Variants in MACF1 observed in about 807,000 individuals in gnomAD.
MACF1 encodes the protein microtubule-actin cross-linking factor 1.
In MACF1, 193 loss-of-function variants were observed where a neutral mutation model predicts 854.8. That is an observed-to-expected ratio of 0.23 (90% CI 0.20 to 0.25). The LOEUF (loss-of-function observed/expected upper bound fraction) is 0.25. Among genes scored for constraint, MACF1 ranks in the 10% least tolerant of loss-of-function variants. The probability of loss-of-function intolerance (pLI) is 1.00; values close to 1 mark genes in which losing one functional copy is unlikely to be tolerated. For missense variants in MACF1, 7,722 were observed against 8,929.1 expected (o/e 0.86, Z 5.45); for synonymous variants, 3,185 against 3,226.7 (o/e 0.99, Z 0.44).
chr1:39,479,092 G>T (rs1215064373), intron 97 of MACF1, among the ~76,000 whole-genome samples: 1 of 152,156 alleles, frequency 6.6e-6, no homozygotes, highest in African/African-American at 2.4e-5. Flanking sequence ...GCGCTAACTG[G>T]CTTCCCGTGC....
rs533384316 is a variant in MACF1 at position 39,336,690 on chromosome 1, T to C, written c.10065+37T>C. On this transcript the variant is annotated intron_variant, in intron 37 of 100. Transcript: ENST00000564288. Reference sequence around the variant, plus strand: ...GCTTTTTTTTTTTTCTTCCTAAAGATACAATTAGTTTAATGCTAAAATTCT... The same window carrying C: ...GCTTTTTTTTTTTTCTTCCTAAAGACACAATTAGTTTAATGCTAAAATTCT... The C allele has an allele frequency of 6.2e-5, 94 of 1,525,802 alleles. 1 individual carries two copies. The South Asian group carries it at 1.2e-3, about 19-fold the overall frequency. The allele number at this position is 1,525,802 out of a possible 1,614,324, so 94.5% of individuals were successfully genotyped here. A position where few individuals can be genotyped will look rare whatever the true frequency, so the allele number is the denominator to read the frequency against.
At chr1:39,344,020 C>T (rs533706592) in intron 40 of MACF1, among the ~76,000 whole-genome samples, 29 of 150,806 alleles carry the variant, frequency 1.9e-4, no homozygotes, top group African/African-American at 6.8e-4. Flanking sequence ...GAGGCTGAGG[C>T]AGGAGAATCA....
intron 18 of MACF1, among the ~76,000 whole-genome samples, chr1:39,294,362 A>G (rs1200672644): frequency 6.6e-6 from 1 of 152,342 alleles, no homozygotes; most frequent in African/African-American, 2.4e-5. Flanking sequence ...AACTATGCAA[A>G]TAGGGAGTTT....
At position 39,357,773 on chromosome 1, in the gene MACF1, A is replaced by G; in HGVS notation, c.11823A>G (p.Gly3941=). 6.2e-7 allele frequency: 1 copy of G among 1,614,208 alleles called. No homozygotes were observed. Among genetic ancestry groups the G allele is most frequent in the Middle Eastern group, 1.6e-4 (1 of 6,062 alleles). The change falls in exon 45 of 101, where the codon GGA becomes GGG. Residue 3941 remains glycine, a synonymous_variant. Transcript: ENST00000564288. The part of the protein sequence containing the change: ...KGDLRFVTIS[G]QKVLDMENSF... ...ACTTGAGATTTGTGACTATCTCAGGACAGAAAGTCTTGGACATGGAAAACA... is the reference window on the plus strand; with the variant it reads ...ACTTGAGATTTGTGACTATCTCAGGGCAGAAAGTCTTGGACATGGAAAACA...
At chr1:39,190,885 T>C (rs2148247718) in intron 2 of MACF1, among the ~76,000 whole-genome samples, 1 of 151,992 alleles carries the variant, frequency 6.6e-6, no homozygotes, top group African/African-American at 2.4e-5. Flanking sequence ...CCCAGCTACT[T>C]GGGAGGCTGA....
At chr1:39,241,659 CA>C (rs35678466) in intron 2 of MACF1, among the ~76,000 whole-genome samples, 3,527 of 51,398 alleles carry the variant, frequency 0.069, 23 homozygotes, top group Middle Eastern at 0.1. Flanking sequence ...GACTCCATCT[CA>C]AAAAAAAAAA....
chr1:39,092,028 A>G lies in MACF1; in HGVS notation c.220+7590A>G, dbSNP rs1022194433. On this transcript the variant is annotated intron_variant, in intron 2 of 93. Coordinates refer to the MACF1 transcript ENST00000361689. Reference sequence around the variant, plus strand: ...TGAACTGAGCTACGTTGCAAGTCCAAAGAGTTTTGAGGAAGTTCTGGAAGG... The same window carrying G: ...TGAACTGAGCTACGTTGCAAGTCCAGAGAGTTTTGAGGAAGTTCTGGAAGG... Among the ~76,000 whole-genome samples the G allele has an allele frequency of 3.9e-5, 6 of 152,178 alleles. No individual in the cohort carries two copies. The South Asian group carries it at 1.2e-3, about 31-fold the overall frequency.
intron 80 of MACF1, among the ~76,000 whole-genome samples, chr1:39,446,788 T>C (rs548191221): frequency 1.0e-3 from 159 of 152,292 alleles, no homozygotes; most frequent in African/African-American, 3.8e-3. Context: ...GGAGTAGCCT[T>C]TTCCCTGAAT....
At chr1:39,431,289 G>GAATCAAGAACTAT (rs144853034) in intron 66 of MACF1, among the ~76,000 whole-genome samples, 60,702 of 151,878 alleles carry the variant, frequency 0.4, 14,206 homozygotes, top group African/African-American at 0.66. Context: ...GAGGGGGAAG[G>GAATCAAGAACTAT]AATTACTATC....
chr1:39,093,077 C>A (rs900112508), intron 2 of MACF1, among the ~76,000 whole-genome samples: 3 of 152,162 alleles, frequency 2.0e-5, no homozygotes, highest in African/African-American at 7.2e-5. Flanking sequence ...AGCCACCGCG[C>A]CTGGCAAGTT....
intron 58 of MACF1, chr1:39,413,849 C>G (rs1557640831): frequency 6.2e-7 from 1 of 1,611,050 alleles, no homozygotes; most frequent in Non-Finnish European, 8.5e-7. Context: ...CTGGAGGAAC[C>G]CACTTCCCCG....
At chr1:39,210,397 G>T (rs559996320) in intron 1 of MACF1, among the ~76,000 whole-genome samples, 114 of 150,380 alleles carry the variant, frequency 7.6e-4, no homozygotes, top group Non-Finnish European at 1.1e-3. Context: ...AAAAAGAGAC[G>T]AGGTTTTGCT....
chr1:39,404,346 C>T (rs553314034), intron 58 of MACF1, among the ~76,000 whole-genome samples: 67 of 151,934 alleles, frequency 4.4e-4, no homozygotes, highest in African/African-American at 1.4e-3. Context: ...TGGTGCACAC[C>T]TGTCATCCCA....
rs575038217 is a variant in MACF1, at chr1:39,105,502, C to T, written c.220+21064C>T. 2.7e-5 allele frequency: 27 copies of T among 1,014,480 alleles called. No individual in the cohort carries two copies. In the African/African-American group the frequency reaches 4.4e-4, roughly 16 times the overall value. 62.8% of individuals were successfully genotyped at this position (1,014,480 alleles called of 1,614,324 possible). A position where few individuals can be genotyped will look rare whatever the true frequency, so the allele number is the denominator to read the frequency against. On this transcript the variant is annotated intron_variant, in intron 2 of 93. Coordinates refer to the MACF1 transcript ENST00000361689. The surrounding 1 kb of genome is among the most constrained non-coding windows in gnomAD (Gnocchi z 5.9). ...GGCGAGGCGGGCGGACGGCGGAGAGCGAGGGCGCCGTCGCCGTCTCTGAGA... is the reference window on the plus strand; with the variant it reads ...GGCGAGGCGGGCGGACGGCGGAGAGTGAGGGCGCCGTCGCCGTCTCTGAGA...
At chr1:39,464,579 C>T in intron 94 of MACF1, 1 of 152,484 alleles carries the variant, frequency 6.6e-6, no homozygotes, top group African/African-American at 2.5e-5. Flanking sequence ...TTAACAAGAA[C>T]AACATAGCAT....
chr1:39,322,699 A>G lies in MACF1; in HGVS notation c.4121A>G (p.Asp1374Gly). The G allele has an allele frequency of 1.2e-6, 2 of 1,614,088 alleles. No individual in the cohort carries two copies. The highest frequency in any genetic ancestry group is 1.7e-6 in the Non-Finnish European group (2 of 1,179,954). The change falls in exon 32 of 101, where the codon GAT (aspartate) becomes GGT (glycine). Residue 1374 changes from aspartate to glycine, a missense_variant. Physicochemically the swap from Asp to Gly is moderately conservative, Grantham distance 94. Around this residue, in one of 15 missense-constraint regions of MACF1, gnomAD observed 1,137 missense variants for 1,263.0 expected, o/e 0.90. Coordinates refer to ENST00000564288, the MANE Select transcript of MACF1 (RefSeq NM_001394062.1). ...GKRRRMLSSSDAITQEFMDLR... is the reference protein window; with the variant it reads ...GKRRRMLSSSGAITQEFMDLR... ...CGCCGTCGCATGCTTTCCTCTTCAGATGCCATCACTCAAGAGGTGAGAGGG... is the reference window on the plus strand; with the variant it reads ...CGCCGTCGCATGCTTTCCTCTTCAGGTGCCATCACTCAAGAGGTGAGAGGG...
At chr1:39,465,249 A>G in intron 95 of MACF1, 137 bp downstream of exon 95, 1 of 827,982 alleles carries the variant, frequency 1.2e-6, no homozygotes, top group Non-Finnish European at 2.1e-6. Flanking sequence ...CAAGTGGAGA[A>G]ACTGTTGATG....
chr1:39,360,012 A>AAAAAAATAT (rs1557608845), intron 47 of MACF1, among the ~76,000 whole-genome samples: 4 of 28,818 alleles, frequency 1.4e-4, no homozygotes, highest in Non-Finnish European at 2.6e-4. Context: ...AAAAAAAAAA[A>AAAAAAATAT]ATATATATAT....
chr1:39,315,763 A>G, intron 27 of MACF1, 72 bp downstream of exon 27: 1 of 1,418,322 alleles, frequency 7.1e-7, no homozygotes, highest in Non-Finnish European at 9.7e-7. Context: ...GGCTTAAAGT[A>G]TTTCATGAAT....
Sources: gnomAD v4.1 joint callset for allele counts (sites outside exome capture counted in the v4.1 genomes callset) on GRCh38, gnomAD v4.1.1 for gene constraint, gnomAD v4.1.1 regional missense constraint, Gnocchi (gnomAD v3.1) non-coding constraint, MANE v1.5 for transcripts, NCBI Gene and HGNC (gene_info 2026-07-23, HGNC 2026-07-21) for gene names.